The following GUCY2C variants were observed in gnomAD, a reference collection of about 807,000 sequenced individuals.
The protein encoded by GUCY2C is guanylate cyclase 2C, also known as guanylyl cyclase C.
In GUCY2C, 118 loss-of-function variants were observed where a neutral mutation model predicts 131.1. The observed-to-expected ratio is 0.90, with a 90% CI of 0.78 to 1.05. The LOEUF (loss-of-function observed/expected upper bound fraction) is 1.05, where lower values mean the gene tolerates loss of function less well. GUCY2C is among the 50% of genes least tolerant of loss of function. The pLI is 0.00. For missense variants in GUCY2C, 1,161 were observed against 1,304.4 expected (o/e 0.89, Z 1.69); for synonymous variants, 452 against 457.8 (o/e 0.99, Z 0.16).
Position 14,676,896 on chromosome 12 carries a change from C to G in GUCY2C, c.906G>C (p.Gly302=). 6.4e-7 allele frequency: 1 copy of G among 1,562,604 alleles called. No homozygotes were observed. The highest frequency in any genetic ancestry group is 8.7e-7 in the Non-Finnish European group (1 of 1,144,010). The part of the protein sequence containing the change: ...KNVLVLTLSP[G]NSLLNSSFSR... ...AGAAAGAGCTATTTAGAAGGGAATTCCCAGGAGACAGCGTCAGAACAAGGA... is the reference window on the plus strand; with the variant it reads ...AGAAAGAGCTATTTAGAAGGGAATTGCCAGGAGACAGCGTCAGAACAAGGA... The change falls in exon 7 of 27, where the codon GGG becomes GGC. Residue 302 remains glycine (G), a synonymous_variant. Transcript: ENST00000261170.
intron 11 of GUCY2C, among the ~76,000 whole-genome samples, chr12:14,657,866 G>GA (rs1468364671): frequency 6.6e-6 from 1 of 152,046 alleles, no homozygotes; most frequent in African/African-American, 2.4e-5. Context: ...GTACACTTTC[G>GA]ACTTTGCAGA....
chr12:14,636,441 T>C (rs1947272237), intron 19 of GUCY2C, among the ~76,000 whole-genome samples: 1 of 152,008 alleles, frequency 6.6e-6, no homozygotes, highest in African/African-American at 2.4e-5. Context: ...AAACTAGCCA[T>C]AGAAGGAATA....
At chr12:14,675,752 T>C (rs1412992385) in intron 7 of GUCY2C, among the ~76,000 whole-genome samples, 1 of 152,228 alleles carries the variant, frequency 6.6e-6, no homozygotes, top group African/African-American at 2.4e-5. Context: ...TGGGTTCTAT[T>C]ACCTCCGGCA....
chr12:14,652,922 T>A, intron 13 of GUCY2C, 30 bp downstream of exon 13: 2 of 1,470,544 alleles, frequency 1.4e-6, no homozygotes, highest in South Asian at 1.1e-5. Context: ...CATACCCCAG[T>A]GGAGAGTTCA....
chr12:14,632,641 G>A lies in GUCY2C; in HGVS notation c.2158-3904C>T, dbSNP rs1401507134. 3.9e-5 allele frequency among the ~76,000 whole-genome samples: 6 copies of A among 152,318 alleles called. No homozygotes were observed. The South Asian group carries it at 1.0e-3, about 26-fold the overall frequency. ...TATAAGTCTAGTAAGTATACCGCATGGACACCTTGTTCATTGAGCTTATAA... is the reference window on the plus strand; with the variant it reads ...TATAAGTCTAGTAAGTATACCGCATAGACACCTTGTTCATTGAGCTTATAA... On this transcript the variant is annotated intron_variant, in intron 19 of 26. Transcript: ENST00000261170.
intron 6 of GUCY2C, among the ~76,000 whole-genome samples, chr12:14,679,435 C>T (rs1001054334): frequency 6.6e-6 from 1 of 152,126 alleles, no homozygotes; most frequent in Non-Finnish European, 1.5e-5. Flanking sequence ...CTATAATAAA[C>T]CTTTTATATT....
chr12:14,628,693 C>G lies in GUCY2C; in HGVS notation c.2202G>C (p.Lys734Asn). Residue 734 changes from lysine (K) to asparagine (N), a missense_variant, in exon 20 of 27, where the codon AAG becomes AAC. Lys to Asn is a moderately conservative substitution (Grantham distance 94, BLOSUM62 0). Coordinates refer to ENST00000261170, the MANE Select transcript of GUCY2C (RefSeq NM_004963.4). ...VKNCWEEDPE[K>N]RPDFKKIETT... ...TCTCAATTTTTTTGAAATCTGGTCT[C>G]TTTTCTGGATCTTCCTCCCAACAGT... The G allele has an allele frequency of 6.2e-7, 1 of 1,603,732 alleles. No homozygotes were observed. Among genetic ancestry groups the G allele is most frequent in the Non-Finnish European group, 8.5e-7 (1 of 1,170,974 alleles).
intron 6 of GUCY2C, among the ~76,000 whole-genome samples, chr12:14,677,211 G>C (rs1038195737): frequency 6.6e-6 from 1 of 152,162 alleles, no homozygotes; most frequent in East Asian, 1.9e-4. Flanking sequence ...TCAGAATACA[G>C]ATATTTCTTG....
At chr12:14,644,210 G>A (rs1009849135) in intron 16 of GUCY2C, among the ~76,000 whole-genome samples, 10 of 151,874 alleles carry the variant, frequency 6.6e-5, no homozygotes, top group South Asian at 2.1e-4. Flanking sequence ...CCTGGCCCCC[G>A]TGATGGCTCA....
intron 9 of GUCY2C, among the ~76,000 whole-genome samples, chr12:14,672,073 T>C (rs1447331429): frequency 4.7e-5 from 1 of 21,478 alleles, no homozygotes; most frequent in Non-Finnish European, 8.6e-5. Flanking sequence ...AACACTCACA[T>C]TGGAAAATGA....
intron 17 of GUCY2C, among the ~76,000 whole-genome samples, chr12:14,643,367 A>C (rs1947448122): frequency 6.6e-6 from 1 of 152,188 alleles, no homozygotes; most frequent in Non-Finnish European, 1.5e-5. Flanking sequence ...GGACGCATGG[A>C]TGAAGGAAAT....
chr12:14,632,637 G>T (rs77949004), intron 19 of GUCY2C, among the ~76,000 whole-genome samples: 3,866 of 152,172 alleles, frequency 0.025, 101 homozygotes, highest in African/African-American at 0.066. Context: ...TAAGTATACC[G>T]CATGGACACC....
chr12:14,630,259 T>TAGCCTGTGGTGC (rs1271925697), intron 19 of GUCY2C, among the ~76,000 whole-genome samples: 1 of 151,964 alleles, frequency 6.6e-6, no homozygotes, highest in East Asian at 1.9e-4. Context: ...AGCCGCGGTA[T>TAGCCTGTGGTGC]AGCCTGTGGT....
At chr12:14,661,890 G>T (rs558767224) in intron 10 of GUCY2C, among the ~76,000 whole-genome samples, 1 of 152,268 alleles carries the variant, frequency 6.6e-6, no homozygotes, top group South Asian at 2.1e-4. Flanking sequence ...GAACACTAGT[G>T]GGTGGGTGGA....
Position 14,612,803 on chromosome 12 carries a change from C to T in GUCY2C, c.*314G>A, listed in dbSNP as rs967608090. 4.3e-5 allele frequency: 10 copies of T among 230,390 alleles called. No homozygotes were observed. Among genetic ancestry groups the T allele is most frequent in the Non-Finnish European group, 7.5e-5 (9 of 119,810 alleles). 14.3% of individuals were successfully genotyped at this position (230,390 alleles called of 1,614,324 possible). On this transcript the variant is annotated 3_prime_UTR_variant, in exon 27 of 27. Transcript: ENST00000261170. ...AGTAAACAAAAACGATAAAAATAAA[C>T]AAACAAAAAATAAATGAAATAAGAA... is the stretch of plus-strand genomic sequence containing the variant.
intron 21 of GUCY2C, among the ~76,000 whole-genome samples, 174 bp from the exon 22 acceptor site, chr12:14,622,371 C>A (rs1946915134): frequency 1.3e-5 from 2 of 152,144 alleles, no homozygotes; most frequent in South Asian, 4.1e-4. Flanking sequence ...GAACATATTA[C>A]ACAAATACAC....
At chr12:14,627,456 G>A (rs1360544521) in intron 20 of GUCY2C, among the ~76,000 whole-genome samples, 1 of 152,120 alleles carries the variant, frequency 6.6e-6, no homozygotes, top group African/African-American at 2.4e-5. Flanking sequence ...AGGTGTAAGA[G>A]ATGAAGTTGG....
rs749657039 is a variant in GUCY2C at position 14,614,876 on chromosome 12, G to C, written c.3038C>G (p.Pro1013Arg). The C allele has an allele frequency of 5.7e-5, 90 of 1,584,302 alleles. No individual in the cohort carries two copies. Among genetic ancestry groups the C allele is most frequent in the Non-Finnish European group, 7.5e-5 (88 of 1,165,656 alleles). The change falls in exon 26 of 27, where the codon CCT becomes CGT. Residue 1013 changes from proline to arginine, a missense_variant. Pro to Arg is a moderately radical substitution (Grantham distance 103, BLOSUM62 -2). Transcript: ENST00000261170. ...MKDQKFNLPTPPTVENQQRLQ... is the reference protein window; with the variant it reads ...MKDQKFNLPTRPTVENQQRLQ... ...ACACCCAGAAGCTTACACAGTAGGA[G>C]GGGTTGGCAGGTTGAATTTCTGGTC... is the stretch of plus-strand genomic sequence containing the variant.
At position 14,681,338 on chromosome 12, in the gene GUCY2C, A is replaced by G. The variant is rs374446948; in HGVS notation, c.733+18T>C. 1.5e-5 allele frequency: 24 copies of G among 1,609,728 alleles called. No homozygotes were observed. The highest frequency in any genetic ancestry group is 9.3e-6 in the Non-Finnish European group (11 of 1,177,072). On this transcript the variant is annotated intron_variant, in intron 5 of 26. Transcript: ENST00000261170. ...AAGAAGAAGTTAGCAAAAAACAATT[A>G]TCTTCATGTCTTCTTACCATTGCTT...
Sources: allele counts gnomAD v4.1 joint callset (sites outside exome capture counted in the v4.1 genomes callset), GRCh38; gene constraint gnomAD v4.1.1; transcripts MANE v1.5; gene names NCBI Gene and HGNC (gene_info 2026-07-23, HGNC 2026-07-21).